Variants in FHIT observed in about 807,000 individuals in gnomAD.
FHIT encodes the protein bis(5'-adenosyl)-triphosphatase.
A neutral mutation model predicts 17.9 loss-of-function variants in FHIT; 19 were observed. The ratio of observed to expected loss-of-function variants is 1.06; its 90% CI spans 0.74 to 1.56. FHIT has a LOEUF of 1.56. FHIT is among the 40% of genes most tolerant of loss of function. The probability of loss-of-function intolerance (pLI) is 0.00; values close to 1 mark genes in which losing one functional copy is unlikely to be tolerated. For missense variants in FHIT, 248 were observed against 189.2 expected (o/e 1.31, Z -1.82); for synonymous variants, 81 against 69.7 (o/e 1.16, Z -0.81).
At chr3:60,516,771 G>C (rs1391103868) in intron 5 of FHIT, among the ~76,000 whole-genome samples, 1 of 152,208 alleles carries the variant, frequency 6.6e-6, no homozygotes, top group Non-Finnish European at 1.5e-5. Context: ...ATCTCCGCCA[G>C]AGTAACGTCT....
intron 2 of FHIT, among the ~76,000 whole-genome samples, chr3:61,109,151 G>A (rs1233246306): frequency 6.6e-6 from 1 of 152,126 alleles, no homozygotes; most frequent in Non-Finnish European, 1.5e-5. Context: ...GGGGCAGAAG[G>A]CATGTATGAA....
intron 7 of FHIT, among the ~76,000 whole-genome samples, chr3:59,923,552 G>T (rs563579725): frequency 3.5e-4 from 54 of 152,248 alleles, no homozygotes; most frequent in African/African-American, 9.6e-4. Flanking sequence ...ACTGCTATTT[G>T]AAAGTTTTAC....
intron 5 of FHIT, among the ~76,000 whole-genome samples, chr3:60,136,629 T>G (rs189109755): frequency 6.8e-6 from 1 of 146,300 alleles, no homozygotes; most frequent in Non-Finnish European, 1.5e-5. Context: ...TCCCAGTGAG[T>G]TCAGGAATGA....
At chr3:60,574,440 C>A (rs2037496574) in intron 4 of FHIT, among the ~76,000 whole-genome samples, 1 of 151,176 alleles carries the variant, frequency 6.6e-6, no homozygotes, top group Non-Finnish European at 1.5e-5. Flanking sequence ...GTTGCTGTAT[C>A]AGCTTAAATC....
At chr3:60,437,943 T>C (rs1344669608) in intron 5 of FHIT, among the ~76,000 whole-genome samples, 3 of 152,136 alleles carry the variant, frequency 2.0e-5, no homozygotes, top group Non-Finnish European at 4.4e-5. Context: ...TAATGTATCA[T>C]GGTAATTTAC....
At chr3:60,955,362 A>G in intron 3 of FHIT, among the ~76,000 whole-genome samples, 1 of 151,998 alleles carries the variant, frequency 6.6e-6, no homozygotes, top group East Asian at 1.9e-4. Flanking sequence ...GTGGGTTACA[A>G]GTGTTCCCAA....
intron 7 of FHIT, among the ~76,000 whole-genome samples, chr3:59,987,020 TAAA>T (rs565675300): frequency 0.014 from 1,661 of 121,352 alleles, 41 homozygotes; most frequent in African/African-American, 0.047. Context: ...AATAAAAAAA[TAAA>T]AATATAAAAT....
intron 4 of FHIT, among the ~76,000 whole-genome samples, chr3:60,724,769 C>T (rs782299136): frequency 6.6e-6 from 1 of 151,336 alleles, no homozygotes; most frequent in Non-Finnish European, 1.5e-5. Flanking sequence ...CTGCCTTAGC[C>T]TCATGAGTAG....
At chr3:59,844,341 T>C (rs1701638527) in intron 8 of FHIT, among the ~76,000 whole-genome samples, 1 of 152,146 alleles carries the variant, frequency 6.6e-6, no homozygotes, top group Non-Finnish European at 1.5e-5. Context: ...TGAATACAAG[T>C]GGTGAAAATG....
intron 5 of FHIT, among the ~76,000 whole-genome samples, chr3:60,228,512 AT>A (rs1336440921): frequency 6.6e-6 from 1 of 152,206 alleles, no homozygotes. Flanking sequence ...ATTTAAAAAA[AT>A]AAAACACACA....
At chr3:60,045,258 A>T (rs1309081654) in intron 5 of FHIT, among the ~76,000 whole-genome samples, 1 of 152,150 alleles carries the variant, frequency 6.6e-6, no homozygotes, top group Non-Finnish European at 1.5e-5. Flanking sequence ...TATGATAAAG[A>T]CATACCTGAG....
At chr3:60,644,728 C>T (rs1411178321) in intron 4 of FHIT, among the ~76,000 whole-genome samples, 2 of 152,184 alleles carry the variant, frequency 1.3e-5, no homozygotes, top group African/African-American at 4.8e-5. Context: ...GTTACACATA[C>T]AGTCCCAGGT....
intron 7 of FHIT, among the ~76,000 whole-genome samples, chr3:59,979,282 T>C (rs1166792181): frequency 6.6e-6 from 1 of 152,150 alleles, no homozygotes; most frequent in Non-Finnish European, 1.5e-5. Context: ...TCACAGGTTG[T>C]TTGTACAGTT....
chr3:59,910,896 AG>A (rs1167238443), intron 8 of FHIT, among the ~76,000 whole-genome samples: 2 of 152,098 alleles, frequency 1.3e-5, no homozygotes, highest in Non-Finnish European at 2.9e-5. Flanking sequence ...AAAAAAAAGA[AG>A]GAAAAAAAAT....
intron 2 of FHIT, among the ~76,000 whole-genome samples, chr3:61,053,249 G>A (rs2034092079): frequency 6.6e-6 from 1 of 152,122 alleles, no homozygotes; most frequent in South Asian, 2.1e-4. Context: ...CTCTTGAGAA[G>A]TTCTCAGGTA....
intron 3 of FHIT, among the ~76,000 whole-genome samples, chr3:61,028,602 G>A (rs1428548127): frequency 2.0e-5 from 3 of 152,182 alleles, no homozygotes; most frequent in East Asian, 3.9e-4. Flanking sequence ...GTGTGAACAC[G>A]TCCAAGTTAC....
intron 5 of FHIT, among the ~76,000 whole-genome samples, chr3:60,422,954 T>C (rs868643009): frequency 3.9e-5 from 6 of 152,162 alleles, no homozygotes; most frequent in Non-Finnish European, 8.8e-5. Flanking sequence ...TGAAATCTAC[T>C]CTTAAGATAC....
intron 2 of FHIT, among the ~76,000 whole-genome samples, chr3:61,135,797 G>A (rs1003810718): frequency 5.3e-5 from 8 of 151,852 alleles, no homozygotes; most frequent in Non-Finnish European, 7.4e-5. Flanking sequence ...CATCAAATAC[G>A]TGGACTAGAA....
chr3:60,536,785 G>C (rs2035996626), intron 5 of FHIT, 75 bp downstream of exon 5: 1 of 1,469,592 alleles, frequency 6.8e-7, no homozygotes, highest in Admixed American at 2.5e-5. Context: ...GGCCAATCTT[G>C]TATTTATATT....
Sources: allele counts gnomAD v4.1 joint callset (sites outside exome capture counted in the v4.1 genomes callset), GRCh38; gene constraint gnomAD v4.1.1; transcripts MANE v1.5; gene names NCBI Gene and HGNC (gene_info 2026-07-23, HGNC 2026-07-21).